The following ERBB4 variants were observed in gnomAD, a reference collection of about 807,000 sequenced individuals.
ERBB4 encodes the protein erb-b2 receptor tyrosine kinase 4.
Under a neutral mutation model 158.0 loss-of-function variants are expected in ERBB4, and 42 were observed. The observed-to-expected ratio is 0.27, with a 90% CI of 0.21 to 0.34. ERBB4 has a LOEUF of 0.34. ERBB4 is among the 10% of genes least tolerant of loss of function. ERBB4 has a pLI of 1.00. For synonymous variants in ERBB4, 583 were observed against 558.7 expected, an observed-to-expected ratio of 1.04 and a Z score of -0.61; for missense variants, 1,333 against 1,624.1, an observed-to-expected ratio of 0.82 and a Z score of 3.08.
chr2:212,364,310 A>G (rs1237755741), intron 1 of ERBB4, among the ~76,000 whole-genome samples: 1 of 151,664 alleles, frequency 6.6e-6, no homozygotes, highest in Non-Finnish European at 1.5e-5. Flanking sequence ...CCTGTGCCCA[A>G]TTAGAACCTG....
intron 1 of ERBB4, among the ~76,000 whole-genome samples, chr2:212,458,070 CCTA>C (rs1208587731): frequency 1.3e-5 from 2 of 151,728 alleles, no homozygotes; most frequent in East Asian, 1.9e-4. Flanking sequence ...GTCTTGATTC[CCTA>C]CTGTTTTTTA....
intron 2 of ERBB4, among the ~76,000 whole-genome samples, chr2:212,019,672 A>G (rs545520269): frequency 6.6e-6 from 1 of 151,218 alleles, no homozygotes; most frequent in South Asian, 2.1e-4. Flanking sequence ...CTGAGGCACA[A>G]GAATTGCTTG....
At chr2:212,363,754 C>T (rs569884244) in intron 1 of ERBB4, among the ~76,000 whole-genome samples, 25 of 151,580 alleles carry the variant, frequency 1.6e-4, no homozygotes, top group Non-Finnish European at 2.4e-4. Flanking sequence ...GATTTACAAA[C>T]GGATTTACAC....
chr2:211,744,382 G>A (rs570642423), intron 5 of ERBB4, among the ~76,000 whole-genome samples: 8 of 152,272 alleles, frequency 5.3e-5, no homozygotes, highest in Admixed American at 3.3e-4. Context: ...ACTGTTGTTC[G>A]TAGTAAGTTG....
chr2:212,187,421 TAATAAATA>T (rs71054181), intron 1 of ERBB4, among the ~76,000 whole-genome samples: 40 of 146,782 alleles, frequency 2.7e-4, no homozygotes, highest in African/African-American at 7.5e-4. Context: ...TAAAGTATAA[TAATAAATA>T]AATAAATAAA....
intron 2 of ERBB4, among the ~76,000 whole-genome samples, chr2:212,043,484 G>A (rs1427765860): frequency 6.6e-6 from 1 of 152,114 alleles, no homozygotes; most frequent in East Asian, 1.9e-4. Flanking sequence ...AGATATTAAA[G>A]TGCAAAAGGT....
intron 20 of ERBB4, among the ~76,000 whole-genome samples, chr2:211,529,349 C>A (rs988381427): frequency 1.3e-5 from 2 of 151,530 alleles, no homozygotes; most frequent in Non-Finnish European, 1.5e-5. Flanking sequence ...GTAATGAGAT[C>A]GATCATAATA....
chr2:211,564,069 CAA>C (rs1167732867), intron 19 of ERBB4, among the ~76,000 whole-genome samples: 2 of 151,650 alleles, frequency 1.3e-5, no homozygotes, highest in Admixed American at 6.6e-5. Context: ...ATTATACTGA[CAA>C]AAAAAGAGTT....
intron 3 of ERBB4, among the ~76,000 whole-genome samples, chr2:211,834,027 C>T (rs938280285): frequency 6.6e-6 from 1 of 151,950 alleles, no homozygotes; most frequent in Non-Finnish European, 1.5e-5. Flanking sequence ...CCTTCTAGAC[C>T]TTTAATTTTA....
chr2:212,522,641 A>C (rs1692237710), intron 1 of ERBB4, among the ~76,000 whole-genome samples: 1 of 151,946 alleles, frequency 6.6e-6, no homozygotes, highest in Non-Finnish European at 1.5e-5. Context: ...CATTGGATAG[A>C]CTTACTTCTT....
intron 5 of ERBB4, among the ~76,000 whole-genome samples, chr2:211,745,081 G>C (rs1050808157): frequency 8.5e-5 from 13 of 152,116 alleles, no homozygotes; most frequent in African/African-American, 3.1e-4. Context: ...TAAAAGTTAA[G>C]TCAGGGTCAG....
intron 19 of ERBB4, among the ~76,000 whole-genome samples, chr2:211,584,715 T>C (rs1019420075): frequency 7.2e-5 from 11 of 151,826 alleles, no homozygotes; most frequent in Non-Finnish European, 1.2e-4. Flanking sequence ...TAGAAAAAAG[T>C]GGAAAATGTA....
chr2:211,424,810 A>G lies in ERBB4; in HGVS notation c.2720-509T>C, dbSNP rs927213580. 3.3e-5 allele frequency among the ~76,000 whole-genome samples: 5 copies of G among 152,184 alleles called. 1 individual carries two copies. Among genetic ancestry groups the G allele is most frequent in the Admixed American group, 2.6e-4 (4 of 15,262 alleles). ...TGACTCTCTCTAACTTACACAAAGA[A>G]AACAGTTGAATAAAACATAGACTTC... On this transcript the variant is annotated intron_variant, in intron 22 of 27. Coordinates refer to ENST00000342788, the MANE Select transcript of ERBB4 (RefSeq NM_005235.3).
At chr2:211,642,798 C>T (rs977136952) in intron 16 of ERBB4, among the ~76,000 whole-genome samples, 1 of 151,948 alleles carries the variant, frequency 6.6e-6, no homozygotes, top group Non-Finnish European at 1.5e-5. Context: ...CACATATATC[C>T]AACAACAATC....
At chr2:212,355,815 T>G (rs2089442673) in intron 1 of ERBB4, among the ~76,000 whole-genome samples, 1 of 151,960 alleles carries the variant, frequency 6.6e-6, no homozygotes, top group Non-Finnish European at 1.5e-5. Flanking sequence ...TGTGTATGTG[T>G]GAGTGTGTAT....
chr2:211,849,232 C>A (rs964977545), intron 3 of ERBB4, among the ~76,000 whole-genome samples: 1 of 151,788 alleles, frequency 6.6e-6, no homozygotes, highest in Non-Finnish European at 1.5e-5. Context: ...TATTTATCAC[C>A]CAATCTGAGA....
intron 3 of ERBB4, among the ~76,000 whole-genome samples, chr2:211,903,056 T>C (rs903453384): frequency 1.3e-5 from 2 of 152,000 alleles, no homozygotes; most frequent in Admixed American, 6.6e-5. Context: ...AGCTCTTCTA[T>C]TGCATTTTAT....
At chr2:212,011,667 T>C (rs2076390726) in intron 2 of ERBB4, among the ~76,000 whole-genome samples, 1 of 150,726 alleles carries the variant, frequency 6.6e-6, no homozygotes, top group Admixed American at 6.6e-5. Flanking sequence ...GGAGAACTGC[T>C]CGAACCCAGG....
At chr2:211,668,272 T>C (rs927236075) in intron 14 of ERBB4, among the ~76,000 whole-genome samples, 1 of 152,212 alleles carries the variant, frequency 6.6e-6, no homozygotes, top group Non-Finnish European at 1.5e-5. Flanking sequence ...TGTATTATCA[T>C]GATAGAAAAC....
Sources: allele counts gnomAD v4.1 joint callset (sites outside exome capture counted in the v4.1 genomes callset), GRCh38; gene constraint gnomAD v4.1.1; transcripts MANE v1.5; gene names NCBI Gene and HGNC (gene_info 2026-07-23, HGNC 2026-07-21).